The following SLC24A2 variants were observed in gnomAD, a reference collection of about 807,000 sequenced individuals.
The protein encoded by SLC24A2 is solute carrier family 24 member 2, also known as sodium/potassium/calcium exchanger 2.
A neutral mutation model predicts 62.0 loss-of-function variants in SLC24A2; 36 were observed. That is an observed-to-expected ratio of 0.58 (90% CI 0.44 to 0.77). SLC24A2 has a LOEUF of 0.77. SLC24A2 is among the 30% of genes least tolerant of loss of function. The pLI, the probability that SLC24A2 is intolerant of heterozygous loss-of-function variation, is 0.00. For missense variants in SLC24A2, 846 were observed against 817.9 expected, an observed-to-expected ratio of 1.03 and a Z score of -0.42; for synonymous variants, 358 against 294.0, an observed-to-expected ratio of 1.22 and a Z score of -2.23.
chr9:19,740,151 C>G (rs1165269061), intron 2 of SLC24A2, among the ~76,000 whole-genome samples: 1 of 53,636 alleles, frequency 1.9e-5, no homozygotes, highest in Non-Finnish European at 3.6e-5. Context: ...AGTACAACCA[C>G]TTTGAAAAAT....
At chr9:19,811,530 C>A in the SLC24A2 span, among the ~76,000 whole-genome samples, 1 of 152,046 alleles carries the variant, frequency 6.6e-6, no homozygotes, top group African/African-American at 2.4e-5. Context: ...TGGAATTAAT[C>A]AAATAATTTT....
intron 2 of SLC24A2, among the ~76,000 whole-genome samples, chr9:19,669,544 C>T (rs1326910294): frequency 6.6e-6 from 1 of 152,224 alleles, no homozygotes; most frequent in East Asian, 1.9e-4. Context: ...TTACATGGAT[C>T]TCACTGAGCT....
intron 2 of SLC24A2, among the ~76,000 whole-genome samples, chr9:19,647,048 CCACA>C (rs1305580525): frequency 1.6e-5 from 2 of 122,084 alleles, no homozygotes; most frequent in South Asian, 2.9e-4. Flanking sequence ...CTCTCTCTTT[CCACA>C]CACACACACA....
At chr9:19,539,499 A>T (rs992299317) in intron 8 of SLC24A2, among the ~76,000 whole-genome samples, 1 of 147,212 alleles carries the variant, frequency 6.8e-6, no homozygotes, top group African/African-American at 2.5e-5. Context: ...TTCAGTTTCC[A>T]TGTAGTTGAG....
the SLC24A2 span, among the ~76,000 whole-genome samples, chr9:20,059,037 T>G: frequency 2.0e-5 from 3 of 152,218 alleles, no homozygotes; most frequent in Non-Finnish European, 4.4e-5. Flanking sequence ...AAGGCAAGAC[T>G]ATATAGTTAA....
chr9:20,209,411 G>A, the SLC24A2 span, among the ~76,000 whole-genome samples: 6 of 152,108 alleles, frequency 3.9e-5, no homozygotes, highest in South Asian at 1.0e-3. Context: ...TAACCTCTGT[G>A]TCCTGTAAAA....
the SLC24A2 span, among the ~76,000 whole-genome samples, chr9:20,299,226 C>T: frequency 7.2e-5 from 11 of 152,150 alleles, no homozygotes; most frequent in Non-Finnish European, 1.2e-4. Flanking sequence ...TCCCAGGTCA[C>T]AAAGGATCTT....
intron 2 of SLC24A2, among the ~76,000 whole-genome samples, chr9:19,679,878 GTGTGTC>G (rs1480362456): frequency 7.5e-6 from 1 of 132,466 alleles, no homozygotes; most frequent in Non-Finnish European, 1.7e-5. Flanking sequence ...GTGTGTGTGT[GTGTGTC>G]TGTGTCTATG....
chr9:19,966,999 T>C, the SLC24A2 span, among the ~76,000 whole-genome samples: 1 of 152,148 alleles, frequency 6.6e-6, no homozygotes, highest in Non-Finnish European at 1.5e-5. Flanking sequence ...TCTTTTCTGC[T>C]TGACTTATTT....
At chr9:20,144,042 A>G in the SLC24A2 span, among the ~76,000 whole-genome samples, 611 of 152,326 alleles carry the variant, frequency 4.0e-3, 3 homozygotes, top group African/African-American at 0.013. Context: ...TTACATGGTA[A>G]GTAAAAATCC....
chr9:20,300,809 G>C, the SLC24A2 span, among the ~76,000 whole-genome samples: 1 of 152,250 alleles, frequency 6.6e-6, no homozygotes, highest in South Asian at 2.1e-4. Context: ...TGTCTTAGGG[G>C]CAATGCTTTG....
intron 7 of SLC24A2, among the ~76,000 whole-genome samples, chr9:19,562,101 G>GTGCAACTTATGGATGAGACTGATT (rs1835433069): frequency 1.3e-5 from 2 of 152,264 alleles, no homozygotes; most frequent in South Asian, 2.1e-4. Flanking sequence ...CGATTCTGAG[G>GTGCAACTTATGGATGAGACTGATT]TGCAACTTAT....
At chr9:19,709,937 T>G (rs1169896027) in intron 2 of SLC24A2, among the ~76,000 whole-genome samples, 1 of 151,544 alleles carries the variant, frequency 6.6e-6, no homozygotes, top group Non-Finnish European at 1.5e-5. Flanking sequence ...ATGAAGGACC[T>G]TGAAGATGAG....
chr9:20,150,087 A>T, the SLC24A2 span, among the ~76,000 whole-genome samples: 1 of 152,034 alleles, frequency 6.6e-6, no homozygotes. Flanking sequence ...ATGATTTATC[A>T]TATTCCCTTC....
chr9:20,232,957 T>C, the SLC24A2 span, among the ~76,000 whole-genome samples: 1 of 152,202 alleles, frequency 6.6e-6, no homozygotes, highest in East Asian at 1.9e-4. Flanking sequence ...AAGAACATCT[T>C]TATTTCTGCC....
chr9:19,706,379 C>CTTTTTTTTTTTTTTTTTTTTTTT (rs34321235), intron 2 of SLC24A2, among the ~76,000 whole-genome samples: 1 of 131,934 alleles, frequency 7.6e-6, no homozygotes. Flanking sequence ...GGTCTTGAAT[C>CTTTTTTTTTTTTTTTTTTTTTTT]TTTTTTTTTT....
chr9:20,226,763 G>C, the SLC24A2 span, among the ~76,000 whole-genome samples: 1 of 151,998 alleles, frequency 6.6e-6, no homozygotes, highest in Non-Finnish European at 1.5e-5. Context: ...ACATATATAT[G>C]TTTACATATT....
chr9:19,534,275 G>A (rs1190242431), intron 8 of SLC24A2, among the ~76,000 whole-genome samples: 1 of 152,212 alleles, frequency 6.6e-6, no homozygotes, highest in African/African-American at 2.4e-5. Context: ...GTCTTGCTCT[G>A]TGGTTATATG....
At chr9:20,290,612 G>A in the SLC24A2 span, among the ~76,000 whole-genome samples, 207 of 152,340 alleles carry the variant, frequency 1.4e-3, 1 homozygote, top group East Asian at 0.032. Context: ...CTGTTGTGAC[G>A]CCACCACCTG....
Sources: gnomAD v4.1 joint callset for allele counts (sites outside exome capture counted in the v4.1 genomes callset) on GRCh38, gnomAD v4.1.1 for gene constraint, MANE v1.5 for transcripts, NCBI Gene and HGNC (gene_info 2026-07-23, HGNC 2026-07-21) for gene names.